PTPRO: variants seen among roughly 807,000 people sequenced by gnomAD.
PTPRO encodes receptor-type tyrosine-protein phosphatase O.
In PTPRO, 62 loss-of-function variants were observed where a neutral mutation model predicts 145.2. The observed-to-expected ratio is 0.43, with a 90% CI of 0.35 to 0.53. The LOEUF (loss-of-function observed/expected upper bound fraction) is 0.53. PTPRO is among the 20% of genes least tolerant of loss of function. PTPRO has a pLI of 0.01. For missense variants in PTPRO, 1,345 were observed against 1,482.7 expected (o/e 0.91, Z 1.53); for synonymous variants, 565 against 514.7 (o/e 1.10, Z -1.32).
rs1418516826 is a variant in PTPRO at position 15,546,228 on chromosome 12, T to G, written c.2165-341T>G. ...ACCTTTATTAAGTGCAGATTTTTGT[T>G]TCTCATCCAGGAAGTTCTGTATTAT... On this transcript the variant is annotated intron_variant, in intron 12 of 26. Transcript: ENST00000281171. The G allele has an allele frequency of 5.3e-6, 4 of 749,188 alleles. No individual in the cohort carries two copies. The East Asian group carries it at 2.9e-4, about 54-fold the overall frequency. The allele number at this position is 749,188 out of a possible 1,614,324, so 46.4% of individuals were successfully genotyped here.
At position 15,418,471 on chromosome 12, in the gene PTPRO, G is replaced by A. The variant is rs1260197795; in HGVS notation, c.76-65503G>A. ...GGCTTGGATTTCTAAAGCTCCTGAGGTATAGATACTGTTGATTTTACCTAA... is the reference window on the plus strand; with the variant it reads ...GGCTTGGATTTCTAAAGCTCCTGAGATATAGATACTGTTGATTTTACCTAA... On this transcript the variant is annotated intron_variant, in intron 1 of 26. Coordinates refer to ENST00000281171, the MANE Select transcript of PTPRO (RefSeq NM_030667.3). Among the ~76,000 whole-genome samples, 4 of 151,632 alleles carry A rather than the reference G, an allele frequency of 2.6e-5. 1 individual carries two copies. The highest frequency in any genetic ancestry group is 2.1e-4 in the South Asian group (1 of 4,820).
At chr12:15,544,294 G>A (rs1943235651) in intron 12 of PTPRO, among the ~76,000 whole-genome samples, 1 of 151,904 alleles carries the variant, frequency 6.6e-6, no homozygotes, top group Non-Finnish European at 1.5e-5. Flanking sequence ...CACAAGGTCA[G>A]GAGATCGAGA....
At chr12:15,578,970 A>T in intron 20 of PTPRO, 27 bp downstream of exon 20, 2 of 1,513,952 alleles carry the variant, frequency 1.3e-6, no homozygotes, top group Non-Finnish European at 1.8e-6. Context: ...TGCCAATAAC[A>T]CTCATGTCTT....
chr12:15,530,563 A>C (rs990696853), intron 12 of PTPRO, among the ~76,000 whole-genome samples: 4 of 152,232 alleles, frequency 2.6e-5, no homozygotes, highest in African/African-American at 9.6e-5. Context: ...AGAAAGTGGT[A>C]ACAAGAGAAA....
chr12:15,503,491 C>A (rs1386960145), intron 5 of PTPRO, among the ~76,000 whole-genome samples: 1 of 152,096 alleles, frequency 6.6e-6, no homozygotes, highest in African/African-American at 2.4e-5. Context: ...TGTTAAAGCA[C>A]TTCTGGATGG....
intron 1 of PTPRO, among the ~76,000 whole-genome samples, chr12:15,366,516 A>G (rs1938366649): frequency 6.6e-6 from 1 of 152,206 alleles, no homozygotes; most frequent in African/African-American, 2.4e-5. Context: ...AATGCATACC[A>G]ACATTTAGTA....
chr12:15,376,387 T>C (rs1938688174), intron 1 of PTPRO, among the ~76,000 whole-genome samples: 1 of 152,184 alleles, frequency 6.6e-6, no homozygotes, highest in Non-Finnish European at 1.5e-5. Context: ...GAGATTGAGA[T>C]ATTTTCAGGT....
chr12:15,548,355 T>C (rs1045058535), intron 13 of PTPRO, among the ~76,000 whole-genome samples: 2 of 152,220 alleles, frequency 1.3e-5, no homozygotes, highest in Non-Finnish European at 2.9e-5. Flanking sequence ...GCAAAATGTC[T>C]GTAGAGAACT....
chr12:15,548,697 T>A (rs1360153094), intron 13 of PTPRO, among the ~76,000 whole-genome samples: 3 of 152,160 alleles, frequency 2.0e-5, no homozygotes, highest in African/African-American at 4.8e-5. Context: ...TTTCAACGGA[T>A]TTCTGTCCAG....
intron 10 of PTPRO, among the ~76,000 whole-genome samples, chr12:15,523,542 C>T (rs769177381): frequency 1.1e-4 from 17 of 152,026 alleles, no homozygotes; most frequent in Non-Finnish European, 2.1e-4. Flanking sequence ...TGGGAAGCCA[C>T]GATGGGTGGA....
chr12:15,440,405 G>T, intron 1 of PTPRO: 1 of 284,898 alleles, frequency 3.5e-6, no homozygotes, highest in South Asian at 6.2e-5. Context: ...TACAACATAG[G>T]ATTTTTATAC....
intron 1 of PTPRO, among the ~76,000 whole-genome samples, chr12:15,380,854 A>T (rs1938839366): frequency 6.6e-6 from 1 of 152,192 alleles, no homozygotes; most frequent in Non-Finnish European, 1.5e-5. Flanking sequence ...ATGAGTTTCA[A>T]TCACTGGTCT....
At chr12:15,370,971 C>A (rs1282938392) in intron 1 of PTPRO, among the ~76,000 whole-genome samples, 2 of 151,958 alleles carry the variant, frequency 1.3e-5, no homozygotes, top group African/African-American at 4.8e-5. Flanking sequence ...ATAAAATATC[C>A]AACAACATGG....
intron 12 of PTPRO, among the ~76,000 whole-genome samples, chr12:15,529,203 C>G (rs1362765168): frequency 6.6e-6 from 1 of 152,062 alleles, no homozygotes; most frequent in East Asian, 1.9e-4. Flanking sequence ...GCTACAGCAA[C>G]CTGTTAAGAG....
intron 7 of PTPRO, among the ~76,000 whole-genome samples, chr12:15,514,855 T>C (rs1942543346): frequency 6.6e-6 from 1 of 152,082 alleles, no homozygotes. Flanking sequence ...CTCTGCCTCC[T>C]GGGTTCAAGC....
intron 12 of PTPRO, among the ~76,000 whole-genome samples, chr12:15,532,438 T>G (rs1402588511): frequency 6.6e-6 from 1 of 152,184 alleles, no homozygotes; most frequent in African/African-American, 2.4e-5. Flanking sequence ...ATGTGGGACA[T>G]GGGACAATTT....
At chr12:15,496,793 T>C (rs1942116696) in intron 2 of PTPRO, among the ~76,000 whole-genome samples, 1 of 152,228 alleles carries the variant, frequency 6.6e-6, no homozygotes, top group Admixed American at 6.5e-5. Context: ...CTATCATTGG[T>C]CTGAGCCAAA....
intron 1 of PTPRO, among the ~76,000 whole-genome samples, chr12:15,388,262 A>T (rs1051860827): frequency 6.6e-6 from 1 of 152,198 alleles, no homozygotes; most frequent in African/African-American, 2.4e-5. Flanking sequence ...TTACCAAAAA[A>T]AAATCAAGGA....
intron 1 of PTPRO, among the ~76,000 whole-genome samples, chr12:15,419,872 G>T (rs1241596657): frequency 1.4e-5 from 2 of 147,278 alleles, no homozygotes; most frequent in Non-Finnish European, 3.0e-5. Context: ...TCTGGGCCGG[G>T]TGCAGTGGCT....
Sources: allele counts gnomAD v4.1 joint callset (sites outside exome capture counted in the v4.1 genomes callset), GRCh38; gene constraint gnomAD v4.1.1; transcripts MANE v1.5; gene names NCBI Gene and HGNC (gene_info 2026-07-23, HGNC 2026-07-21).